MYO6: variants seen among roughly 807,000 people sequenced by gnomAD.
MYO6 encodes the protein myosin VI.
A neutral mutation model predicts 178.7 loss-of-function variants in MYO6; 74 were observed. The observed-to-expected ratio is 0.41, with a 90% CI of 0.34 to 0.50. The LOEUF is 0.50. Ranked by LOEUF, MYO6 falls within the 20% of genes least tolerant of loss-of-function variation. The probability of loss-of-function intolerance (pLI) is 0.09; values close to 1 mark genes in which losing one functional copy is unlikely to be tolerated. For missense variants in MYO6, 1,330 were observed against 1,547.4 expected (o/e 0.86, Z 2.36); for synonymous variants, 477 against 504.6 (o/e 0.95, Z 0.73).
chr6:75,793,180 A>G (rs1768419289), intron 1 of MYO6, among the ~76,000 whole-genome samples: 1 of 152,238 alleles, frequency 6.6e-6, no homozygotes, highest in Non-Finnish European at 1.5e-5. Flanking sequence ...CAATTTTATA[A>G]TGAAAGTTAG....
Position 75,804,733 on chromosome 6 carries a change from T to A in MYO6, c.-47-12768T>A, listed in dbSNP as rs375163886. Among the ~76,000 whole-genome samples the A allele has an allele frequency of 2.0e-5, 3 of 151,962 alleles. No homozygotes were observed. The East Asian group carries it at 5.8e-4, about 29-fold the overall frequency. On this transcript the variant is annotated intron_variant, in intron 1 of 34. Coordinates refer to ENST00000369977, the MANE Select transcript of MYO6 (RefSeq NM_004999.4). Reference sequence around the variant, plus strand: ...CAGAATAAATGACTCCGTAAGGCAGTCTTGGAAGGATTCTGTTTGCCATAT... The same window carrying A: ...CAGAATAAATGACTCCGTAAGGCAGACTTGGAAGGATTCTGTTTGCCATAT...
At chr6:75,884,889 A>G (rs531375572) in intron 23 of MYO6, among the ~76,000 whole-genome samples, 1 of 152,304 alleles carries the variant, frequency 6.6e-6, no homozygotes, top group South Asian at 2.1e-4. Context: ...GAGGAGGTTC[A>G]GATTCATGCA....
At chr6:75,898,794 C>T (rs541131267) in intron 30 of MYO6, among the ~76,000 whole-genome samples, 16 of 152,050 alleles carry the variant, frequency 1.1e-4, no homozygotes, top group Admixed American at 2.0e-4. Context: ...CACCACTGTG[C>T]GTCGTTGAAG....
At chr6:75,845,179 G>C (rs1481496878) in intron 10 of MYO6, among the ~76,000 whole-genome samples, 3 of 152,188 alleles carry the variant, frequency 2.0e-5, no homozygotes, top group Non-Finnish European at 2.9e-5. Flanking sequence ...GACAGGTTCT[G>C]GTTCTTCTGG....
intron 1 of MYO6, among the ~76,000 whole-genome samples, chr6:75,807,117 G>T (rs980719206): frequency 2.0e-5 from 3 of 152,150 alleles, no homozygotes; most frequent in Admixed American, 1.3e-4. Context: ...TAGAGTTCTA[G>T]GTTAGAATTA....
At chr6:75,820,783 T>C (rs1442846013) in intron 2 of MYO6, among the ~76,000 whole-genome samples, 1 of 152,148 alleles carries the variant, frequency 6.6e-6, no homozygotes, top group Non-Finnish European at 1.5e-5. Context: ...CTCCCCCCCA[T>C]TCAGTAGAAT....
In MYO6 at chr6:75,869,070, A is replaced by ATT. The variant is rs71544072; in HGVS notation, c.1945-1552_1945-1551dup. 3.0e-3 allele frequency among the ~76,000 whole-genome samples: 182 copies of ATT among 59,904 alleles called. 16 individuals carry two copies. The highest frequency in any genetic ancestry group is 7.7e-3 in the African/African-American group (116 of 15,106). 39.3% of individuals were successfully genotyped at this position (59,904 alleles called of 152,430 possible). ...CTTCTGTTCTTTTGACTTTATCTCC[A>ATT]TTTTTTTTTTTTTTTTTTTTTTTTT... On this transcript the variant is annotated intron_variant, in intron 18 of 34. Coordinates refer to ENST00000369977, the MANE Select transcript of MYO6 (RefSeq NM_004999.4).
At chr6:75,763,366 C>T (rs1778121284) in intron 1 of MYO6, among the ~76,000 whole-genome samples, 2 of 152,036 alleles carry the variant, frequency 1.3e-5, no homozygotes, top group South Asian at 4.1e-4. Flanking sequence ...TTTAAAGGGT[C>T]CCAGTGATAA....
chr6:75,914,695 G>C, intron 34 of MYO6, 118 bp from the exon 35 acceptor site: 1 of 987,856 alleles, frequency 1.0e-6, no homozygotes, highest in East Asian at 2.5e-5. Context: ...CCATCTTAGA[G>C]AAAAAGTCTT....
At chr6:75,850,314 T>G (rs1430144570) in intron 11 of MYO6, among the ~76,000 whole-genome samples, 1 of 152,224 alleles carries the variant, frequency 6.6e-6, no homozygotes, top group East Asian at 1.9e-4. Context: ...ACTCTTCTTA[T>G]TCTGCATTTC....
intron 3 of MYO6, among the ~76,000 whole-genome samples, chr6:75,826,988 G>A (rs1194239541): frequency 6.6e-6 from 1 of 152,190 alleles, no homozygotes; most frequent in Admixed American, 6.5e-5. Context: ...TGGGCAGTCT[G>A]TGGAGGTAGT....
At chr6:75,787,750 A>T in intron 1 of MYO6, among the ~76,000 whole-genome samples, 1 of 118,886 alleles carries the variant, frequency 8.4e-6, no homozygotes, top group Admixed American at 9.1e-5. Flanking sequence ...ATATATATAT[A>T]TATATATATA....
At chr6:75,761,712 C>G (rs541085679) in intron 1 of MYO6, among the ~76,000 whole-genome samples, 39 of 151,952 alleles carry the variant, frequency 2.6e-4, no homozygotes, top group Middle Eastern at 3.4e-3. Context: ...CTGGAACTGG[C>G]CCAGAATGTC....
intron 16 of MYO6, among the ~76,000 whole-genome samples, chr6:75,863,456 C>A (rs1306282129): frequency 6.6e-6 from 1 of 151,728 alleles, no homozygotes; most frequent in African/African-American, 2.4e-5. Flanking sequence ...GAGGTGCACT[C>A]TAAAAGGCCA....
At position 75,846,106 on chromosome 6, in the gene MYO6, A is replaced by G. The variant is rs954601807; in HGVS notation, c.897+1129A>G. Reference sequence around the variant, plus strand: ...ATTATATTTCTAAGAATAATTAGATATAATTATACCATTAAGTATTATTTT... The same window carrying G: ...ATTATATTTCTAAGAATAATTAGATGTAATTATACCATTAAGTATTATTTT... On this transcript the variant is annotated intron_variant, in intron 10 of 34. Transcript: ENST00000369977. Among the ~76,000 whole-genome samples the G allele has an allele frequency of 3.3e-5, 5 of 151,898 alleles. No individual in the cohort carries two copies. The East Asian group carries it at 7.7e-4, about 23-fold the overall frequency.
chr6:75,847,041 A>G (rs1413074131), intron 10 of MYO6, among the ~76,000 whole-genome samples: 2 of 152,102 alleles, frequency 1.3e-5, no homozygotes, highest in Admixed American at 1.3e-4. Flanking sequence ...GTTGTGTGTA[A>G]TTTTTAGAAA....
rs1767726496 is a variant in MYO6 at position 75,787,687 on chromosome 6, T to TATATATGGGGGAATGGAA, written c.-47-29814_-47-29813insATATATGGGGGAATGGAA. ...GGGGAATGGAACTATTCTCTCTCTC[T>TATATATGGGGGAATGGAA]CTCTCTCTCTCTCTCTCTCTCTCTC... is the stretch of plus-strand genomic sequence containing the variant. On this transcript the variant is annotated intron_variant, in intron 1 of 34. Transcript: ENST00000369977. Among the ~76,000 whole-genome samples, 10 of 17,872 alleles carry TATATATGGGGGAATGGAA rather than the reference T, an allele frequency of 5.6e-4. No homozygotes were observed. In the East Asian group the frequency reaches 9.3e-3, roughly 17 times the overall value. The allele number at this position is 17,872 out of a possible 152,430, so 11.7% of individuals were successfully genotyped here.
intron 1 of MYO6, among the ~76,000 whole-genome samples, chr6:75,784,270 C>T (rs1274570577): frequency 1.3e-5 from 2 of 151,608 alleles, no homozygotes; most frequent in African/African-American, 2.4e-5. Context: ...CGTGCCCAGC[C>T]ATGACTTTTT....
At chr6:75,861,367 A>G (rs1776203568) in intron 15 of MYO6, among the ~76,000 whole-genome samples, 1 of 152,200 alleles carries the variant, frequency 6.6e-6, no homozygotes, top group Non-Finnish European at 1.5e-5. Flanking sequence ...TTAAGGGGGA[A>G]ACTTAATTGC....
Sources: gnomAD v4.1 joint callset for allele counts (sites outside exome capture counted in the v4.1 genomes callset) on GRCh38, gnomAD v4.1.1 for gene constraint, MANE v1.5 for transcripts, NCBI Gene and HGNC (gene_info 2026-07-23, HGNC 2026-07-21) for gene names.